XCR1: variants seen among roughly 807,000 people sequenced by gnomAD.
The protein encoded by XCR1 is chemokine XC receptor 1.
For synonymous variants in XCR1, 187 were observed against 188.5 expected (o/e 0.99, Z 0.06); for missense variants, 356 against 424.2 (o/e 0.84, Z 1.41).
intron 5 of XCR1, among the ~76,000 whole-genome samples, chr3:46,036,114 C>A (rs538556238): frequency 8.3e-4 from 127 of 152,152 alleles, no homozygotes; most frequent in African/African-American, 2.8e-3. Flanking sequence ...AATGCTTGTC[C>A]CCAATATTGT....
chr3:46,046,508 G>C (rs1697630220), intron 5 of XCR1, among the ~76,000 whole-genome samples: 1 of 152,236 alleles, frequency 6.6e-6, no homozygotes, highest in Admixed American at 6.5e-5. Context: ...ATGATAAACA[G>C]TTTGCTGTTT....
intron 1 of XCR1, among the ~76,000 whole-genome samples, chr3:46,081,123 C>G (rs1698354710): frequency 6.6e-6 from 1 of 152,152 alleles, no homozygotes. Context: ...CATCTGAGCT[C>G]CAGAACGGCC....
intron 3 of XCR1, among the ~76,000 whole-genome samples, chr3:46,068,740 A>G (rs1297674509): frequency 6.6e-6 from 1 of 151,624 alleles, no homozygotes; most frequent in Non-Finnish European, 1.5e-5. Flanking sequence ...CAAAATCAGA[A>G]TTTGTTCTCT....
chr3:46,081,904 G>A (rs1698371920), intron 1 of XCR1, among the ~76,000 whole-genome samples: 1 of 151,972 alleles, frequency 6.6e-6, no homozygotes, highest in African/African-American at 2.4e-5. Context: ...CCGTCTTTAT[G>A]TTCGTGTGTA....
At chr3:46,023,665 G>C (rs1313847093) in intron 1 of XCR1, 1 of 1,426,782 alleles carries the variant, frequency 7.0e-7, no homozygotes, top group East Asian at 2.3e-5. Flanking sequence ...CCCTTCTTCA[G>C]AGAAACGCCT....
chr3:46,074,467 C>T (rs1055028477), intron 3 of XCR1, among the ~76,000 whole-genome samples: 30 of 151,700 alleles, frequency 2.0e-4, no homozygotes, highest in African/African-American at 6.8e-4. Flanking sequence ...CTCAGAAGAA[C>T]GGGAGGTAGT....
chr3:46,075,308 C>CAA (rs56787185), intron 2 of XCR1, among the ~76,000 whole-genome samples: 2,040 of 61,174 alleles, frequency 0.033, 24 homozygotes, highest in African/African-American at 0.084. Context: ...GCTCATAGAC[C>CAA]AAAAAAAAAA....
At chr3:46,058,996 T>C (rs371982821) in intron 4 of XCR1, among the ~76,000 whole-genome samples, 1 of 152,308 alleles carries the variant, frequency 6.6e-6, no homozygotes, top group African/African-American at 2.4e-5. Context: ...TGAGTCTTCT[T>C]TGCCAGCAGA....
chr3:46,073,313 T>C (rs1273731504), intron 3 of XCR1, among the ~76,000 whole-genome samples: 1 of 152,168 alleles, frequency 6.6e-6, no homozygotes, highest in East Asian at 1.9e-4. Flanking sequence ...AAATAACAGA[T>C]GCTGGGTGCA....
chr3:46,044,653 G>A (rs114289482), intron 5 of XCR1, among the ~76,000 whole-genome samples: 5,555 of 152,192 alleles, frequency 0.036, 138 homozygotes, highest in Non-Finnish European at 0.053. Context: ...ACTTATAGCA[G>A]AAATGAAAAG....
At chr3:46,039,591 G>C (rs1413545093) in intron 5 of XCR1, among the ~76,000 whole-genome samples, 5 of 152,154 alleles carry the variant, frequency 3.3e-5, no homozygotes. Context: ...TGACTCCTGA[G>C]TCTGAAAAAG....
At chr3:46,075,840 A>C (rs1409734707) in intron 2 of XCR1, among the ~76,000 whole-genome samples, 2 of 152,258 alleles carry the variant, frequency 1.3e-5, no homozygotes, top group Non-Finnish European at 2.9e-5. Flanking sequence ...AATTAAGACC[A>C]TGATAAGATA....
At chr3:46,025,418 AAG>A (rs897003864) in intron 1 of XCR1, among the ~76,000 whole-genome samples, 30 of 149,872 alleles carry the variant, frequency 2.0e-4, no homozygotes, top group African/African-American at 2.7e-4. Flanking sequence ...GAAATAAAGA[AAG>A]AGAGAGAGAG....
intron 4 of XCR1, among the ~76,000 whole-genome samples, chr3:46,061,508 C>T (rs1481426084): frequency 3.3e-5 from 5 of 152,242 alleles, no homozygotes; most frequent in Non-Finnish European, 5.9e-5. Context: ...ATTTCCTCTA[C>T]TGAGTTCACC....
intron 1 of XCR1, among the ~76,000 whole-genome samples, chr3:46,026,062 A>T (rs552482806): frequency 6.6e-6 from 1 of 152,178 alleles, no homozygotes; most frequent in Non-Finnish European, 1.5e-5. Context: ...AGAATAAAGA[A>T]AAAAACTATA....
chr3:46,023,199 T>A (rs927244548), intron 1 of XCR1: 14 of 487,972 alleles, frequency 2.9e-5, no homozygotes, highest in African/African-American at 2.4e-4. Flanking sequence ...TGTTGCTCCC[T>A]CTGCGCCCAG....
chr3:46,081,996 C>T (rs1275361609), intron 1 of XCR1, among the ~76,000 whole-genome samples: 1 of 152,182 alleles, frequency 6.6e-6, no homozygotes, highest in Non-Finnish European at 1.5e-5. Flanking sequence ...AAGATTCCTT[C>T]TCACCCAGTG....
Position 46,021,504 on chromosome 3 carries a change from C to A in XCR1, c.444G>T (p.Leu148=), listed in dbSNP as rs1345819988. The A allele has an allele frequency of 1.1e-5, 17 of 1,612,880 alleles. No homozygotes were observed. The highest frequency in any genetic ancestry group is 1.7e-5 in the Admixed American group (1 of 59,846). Residue 148 remains leucine (L), a synonymous_variant, in exon 2 of 2, where the codon CTG becomes CTT. Transcript: ENST00000309285. The surrounding 1 kb of genome is among the most constrained non-coding windows in gnomAD (Gnocchi z 4.7). ...LRVPTLRCRV[L]VTMAVWVASI... ...TGGCTACCCACACAGCCATGGTCAC[C>A]AGCACCCGGCAGCGGAGGGTGGGGA...
intron 3 of XCR1, among the ~76,000 whole-genome samples, chr3:46,074,126 A>G (rs551827289): frequency 6.6e-6 from 1 of 151,828 alleles, no homozygotes; most frequent in East Asian, 1.9e-4. Flanking sequence ...TTGCACATGC[A>G]TGTTTATCAC....
Sources: gnomAD v4.1 joint callset for allele counts (sites outside exome capture counted in the v4.1 genomes callset) on GRCh38, gnomAD v4.1.1 for gene constraint, Gnocchi (gnomAD v3.1) non-coding constraint, MANE v1.5 for transcripts, NCBI Gene and HGNC (gene_info 2026-07-23, HGNC 2026-07-21) for gene names.